Variants in MORN2 observed in about 807,000 individuals in gnomAD.
MORN2 encodes MORN repeat containing 2, also known as MORN repeat-containing protein 2.
A neutral mutation model predicts 13.4 loss-of-function variants in MORN2; 15 were observed. That is an observed-to-expected ratio of 1.12 (90% confidence interval 0.75 to 1.72). The LOEUF is 1.72. Among genes scored for constraint, MORN2 ranks in the 40% most tolerant of loss-of-function variants. MORN2 has a pLI of 0.00. For synonymous variants in MORN2, 46 were observed against 43.6 expected (o/e 1.06, Z -0.22); for missense variants, 168 against 134.6 (o/e 1.25, Z -1.23).
Position 38,882,581 on chromosome 2 carries a change from A to T in MORN2, c.*66A>T, listed in dbSNP as rs1046682304. 6 of 1,218,380 alleles carry T rather than the reference A, an allele frequency of 4.9e-6. No homozygotes were observed. The African/African-American group carries it at 9.0e-5, about 18-fold the overall frequency. The allele number at this position is 1,218,380 out of a possible 1,614,324, so 75.5% of individuals were successfully genotyped here. A position where few individuals can be genotyped will look rare whatever the true frequency, so the allele number is the denominator to read the frequency against. On this transcript the variant is annotated 3_prime_UTR_variant, in exon 5 of 5. Transcript: ENST00000644631. ...TTTTAGTTGTAAGGAAAGCAACTTA[A>T]TCTGTTATTTGAAATGACTTCATAC...
chr2:38,882,258 G>A (rs1349203503), intron 4 of MORN2, among the ~76,000 whole-genome samples, 155 bp from the exon 5 acceptor site: 1 of 146,098 alleles, frequency 6.8e-6, no homozygotes, highest in Non-Finnish European at 1.5e-5. Context: ...TGTTTTTTTG[G>A]TAGGATATGA....
chr2:38,877,837 C>T (rs1425818110), intron 1 of MORN2, among the ~76,000 whole-genome samples: 1 of 151,734 alleles, frequency 6.6e-6, no homozygotes, highest in African/African-American at 2.4e-5. Context: ...CTTGCTGTCT[C>T]ACCCAGGCTG....
rs2124963515 is a variant in MORN2, at chr2:38,876,058, C to T, written c.6C>T (p.Ala2=). 5.0e-6 allele frequency: 2 copies of T among 398,734 alleles called. No homozygotes were observed. Among genetic ancestry groups the T allele is most frequent in the Non-Finnish European group, 8.8e-6 (2 of 226,170 alleles). 24.7% of individuals were successfully genotyped at this position (398,734 alleles called of 1,614,324 possible). Residue 2 remains alanine (A), a synonymous_variant, in exon 1 of 5, where the codon GCC becomes GCT. Transcript: ENST00000644631. Reference sequence around the variant, plus strand: ...GTTCTCTCCCGGCCGCAGAGCTGGCCGCCCAGGGGGAGTCGCAGAGTTTGG... The same window carrying T: ...GTTCTCTCCCGGCCGCAGAGCTGGCTGCCCAGGGGGAGTCGCAGAGTTTGG...
At chr2:38,882,068 T>G (rs1665788271) in intron 4 of MORN2, among the ~76,000 whole-genome samples, 1 of 152,214 alleles carries the variant, frequency 6.6e-6, no homozygotes, top group African/African-American at 2.4e-5. Context: ...TGAAAAAATA[T>G]TTGTTGAATA....
At chr2:38,878,464 C>T (rs1254962572) in intron 1 of MORN2, among the ~76,000 whole-genome samples, 1 of 152,096 alleles carries the variant, frequency 6.6e-6, no homozygotes, top group Non-Finnish European at 1.5e-5. Context: ...ATTAGACTGA[C>T]AGTAGCCTTT....
At position 38,882,606 on chromosome 2, in the gene MORN2, C is replaced by T. The variant is rs1665803198; in HGVS notation, c.*91C>T. On this transcript the variant is annotated 3_prime_UTR_variant, in exon 5 of 5. Coordinates refer to ENST00000644631, the MANE Select transcript of MORN2 (RefSeq NM_001145450.3). Reference sequence around the variant, plus strand: ...ATCTGTTATTTGAAATGACTTCATACACTACCCCTATAAGTTTGCCAATAA... The same window carrying T: ...ATCTGTTATTTGAAATGACTTCATATACTACCCCTATAAGTTTGCCAATAA... The T allele has an allele frequency of 1.2e-6, 1 of 861,986 alleles. No homozygotes were observed. Among genetic ancestry groups the T allele is most frequent in the Non-Finnish European group, 1.8e-6 (1 of 550,380 alleles). The allele number at this position is 861,986 out of a possible 1,614,324, so 53.4% of individuals were successfully genotyped here.
At chr2:38,880,880 A>T (rs1665759107) in intron 3 of MORN2, among the ~76,000 whole-genome samples, 174 bp downstream of exon 3, 1 of 152,212 alleles carries the variant, frequency 6.6e-6, no homozygotes, top group African/African-American at 2.4e-5. Flanking sequence ...TCACTGTAGA[A>T]AGCTAATCAT....
In MORN2 at chr2:38,882,137, T is replaced by C. The variant is rs111405064; in HGVS notation, c.354-276T>C. On this transcript the variant is annotated intron_variant, in intron 4 of 4. Transcript: ENST00000644631. ...CTTTTCATTTTTTTAACTCATTGTT[T>C]TGGTTTTGTGTGAACCTAGATTATG... Among the ~76,000 whole-genome samples the C allele has an allele frequency of 2.5e-3, 378 of 152,262 alleles. 4 individuals carry two copies. Among genetic ancestry groups the C allele is most frequent in the African/African-American group, 8.5e-3 (355 of 41,584 alleles).
At chr2:38,881,416 A>G (rs1296335078) in intron 3 of MORN2, 26 bp from the exon 4 acceptor site, 1 of 1,519,204 alleles carries the variant, frequency 6.6e-7, no homozygotes, top group Non-Finnish European at 8.8e-7. Context: ...ATTAGTTTCT[A>G]AGGTAATTTC....
intron 1 of MORN2, among the ~76,000 whole-genome samples, chr2:38,879,382 A>G (rs1665726648): frequency 6.6e-6 from 1 of 152,188 alleles, no homozygotes; most frequent in South Asian, 2.1e-4. Context: ...AACAACCTAC[A>G]TGTCCATGAA....
chr2:38,882,675 C>T lies in MORN2; in HGVS notation c.*160C>T. 1 of 458,328 alleles carries T rather than the reference C, an allele frequency of 2.2e-6. No individual in the cohort carries two copies. Among genetic ancestry groups the T allele is most frequent in the South Asian group, 4.0e-5 (1 of 25,256 alleles). The allele number at this position is 458,328 out of a possible 1,614,324, so 28.4% of individuals were successfully genotyped here. On this transcript the variant is annotated 3_prime_UTR_variant, in exon 5 of 5. Coordinates refer to ENST00000644631, the MANE Select transcript of MORN2 (RefSeq NM_001145450.3). ...CCTTTTTGAACTTTATATTCATTGT[C>T]TTACAATTAGTTTAAAATAAATGAC...
At chr2:38,880,481 A>C (rs1377524517) in intron 2 of MORN2, 119 bp from the exon 3 acceptor site, 1 of 464,896 alleles carries the variant, frequency 2.2e-6, no homozygotes, top group Non-Finnish European at 3.6e-6. Context: ...GGATTTTCTC[A>C]TCTCTGGTCT....
chr2:38,881,506 A>C lies in MORN2; in HGVS notation c.281A>C (p.Asn94Thr). The C allele has an allele frequency of 6.5e-7, 1 of 1,545,390 alleles. No individual in the cohort carries two copies. The change falls in exon 4 of 5, where the codon AAT (asparagine) becomes ACT (threonine). Residue 94 changes from asparagine to threonine, a missense_variant. Coordinates refer to ENST00000644631, the MANE Select transcript of MORN2 (RefSeq NM_001145450.3). ...GTATATGAAGGACAATTTAAGGATA[A>C]TATGTTTCATGGACTGGGGACTTAC...
At chr2:38,878,236 C>T (rs905265229) in intron 1 of MORN2, among the ~76,000 whole-genome samples, 1 of 152,024 alleles carries the variant, frequency 6.6e-6, no homozygotes, top group Non-Finnish European at 1.5e-5. Flanking sequence ...TAATGTCAGT[C>T]CTTTGTAGTT....
chr2:38,878,999 G>C (rs1290510728), intron 1 of MORN2, among the ~76,000 whole-genome samples: 1 of 152,188 alleles, frequency 6.6e-6, no homozygotes, highest in Non-Finnish European at 1.5e-5. Context: ...TTCAGTATCG[G>C]AAAATACAGT....
At chr2:38,877,949 C>A (rs1273308580) in intron 1 of MORN2, among the ~76,000 whole-genome samples, 1 of 151,048 alleles carries the variant, frequency 6.6e-6, no homozygotes, top group Non-Finnish European at 1.5e-5. Flanking sequence ...GCATGCAACA[C>A]CACACCCAGC....
chr2:38,880,681 A>G lies in MORN2; in HGVS notation c.191A>G (p.Tyr64Cys). The G allele has an allele frequency of 6.5e-7, 1 of 1,550,226 alleles. No individual in the cohort carries two copies. Among genetic ancestry groups the G allele is most frequent in the South Asian group, 1.2e-5 (1 of 83,960 alleles). ...CATACCACTCCTAATGGGATTGTCT[A>G]CACAGGAAGCTGGAAAGATGACAAG... Residue 64 changes from tyrosine to cysteine, a missense_variant, in exon 3 of 5, where the codon TAC becomes TGC. By Grantham distance (194) the Tyr-to-Cys change is radical (BLOSUM62 -2). Coordinates refer to ENST00000644631, the MANE Select transcript of MORN2 (RefSeq NM_001145450.3).
intron 1 of MORN2, among the ~76,000 whole-genome samples, chr2:38,878,875 C>T (rs1467511503): frequency 6.6e-6 from 1 of 152,170 alleles, no homozygotes; most frequent in Non-Finnish European, 1.5e-5. Context: ...TTTAAATTCC[C>T]TTGCCCCACC....
At position 38,880,699 on chromosome 2, in the gene MORN2, A is replaced by G; in HGVS notation, c.209A>G (p.Asp70Gly). 5 of 1,550,172 alleles carry G rather than the reference A, an allele frequency of 3.2e-6. No individual in the cohort carries two copies. The highest frequency in any genetic ancestry group is 4.4e-6 in the Non-Finnish European group (5 of 1,146,812). ...ATTGTCTACACAGGAAGCTGGAAAG[A>G]TGACAAGGTATTATTGTTGTTTTTA... The change falls in exon 3 of 5, where the codon GAT becomes GGT. Residue 70 changes from aspartate to glycine, a missense_variant. Asp to Gly is a moderately conservative substitution (Grantham distance 94). Transcript: ENST00000644631.
Sources: allele counts gnomAD v4.1 joint callset (sites outside exome capture counted in the v4.1 genomes callset), GRCh38; gene constraint gnomAD v4.1.1; transcripts MANE v1.5; gene names NCBI Gene and HGNC (gene_info 2026-07-23, HGNC 2026-07-21).